The following SFMBT2 variants were observed in gnomAD, a reference collection of about 807,000 sequenced individuals.
SFMBT2 encodes scm-like with four MBT domains protein 2.
A neutral mutation model predicts 110.1 loss-of-function variants in SFMBT2; 38 were observed. The ratio of observed to expected loss-of-function variants is 0.35; its 90% CI spans 0.27 to 0.45. SFMBT2 has a LOEUF of 0.45. Ranked by LOEUF, SFMBT2 falls within the 20% of genes least tolerant of loss-of-function variation. SFMBT2 has a pLI of 1.00. For synonymous variants in SFMBT2, 425 were observed against 425.4 expected (o/e 1.00, Z 0.01); for missense variants, 1,011 against 1,094.9 (o/e 0.92, Z 1.08).
intron 1 of SFMBT2, among the ~76,000 whole-genome samples, chr10:7,404,652 A>G (rs923982363): frequency 2.0e-5 from 3 of 152,256 alleles, no homozygotes; most frequent in African/African-American, 4.8e-5. Context: ...GAAAAACGCA[A>G]TGGATTCTTT....
intron 11 of SFMBT2, 165 bp from the exon 12 acceptor site, chr10:7,206,093 G>C (rs1272737795): frequency 2.0e-6 from 2 of 985,242 alleles, no homozygotes; most frequent in African/African-American, 3.5e-5. Context: ...TGACTTTAGA[G>C]GAGTCTTTAA....
chr10:7,329,097 A>C (rs1843483841), intron 4 of SFMBT2, among the ~76,000 whole-genome samples: 1 of 152,250 alleles, frequency 6.6e-6, no homozygotes, highest in Admixed American at 6.5e-5. Flanking sequence ...TGTAAGCAAC[A>C]GATATACTGG....
In SFMBT2 at chr10:7,167,546, CT is replaced by C. The variant is rs541208668; in HGVS notation, c.2544+3381del. Among the ~76,000 whole-genome samples the C allele has an allele frequency of 1.4e-4, 21 of 152,328 alleles. No individual in the cohort carries two copies. In the East Asian group the frequency reaches 3.5e-3, roughly 25 times the overall value. ...ATTCGCATGCCAGTGAAGAAAGTCT[CT>C]GGGTTCCTTCTAGCTCACCTGTAAT... On this transcript the variant is annotated intron_variant, in intron 20 of 20. Transcript: ENST00000397167.
chr10:7,310,974 G>C (rs1842837648), intron 4 of SFMBT2, among the ~76,000 whole-genome samples: 1 of 151,084 alleles, frequency 6.6e-6, no homozygotes. Flanking sequence ...TTGAACCCGG[G>C]AGGCAGAGGT....
At chr10:7,286,725 A>G (rs1842102447) in intron 4 of SFMBT2, among the ~76,000 whole-genome samples, 1 of 152,206 alleles carries the variant, frequency 6.6e-6, no homozygotes, top group Non-Finnish European at 1.5e-5. Flanking sequence ...AGACTTGATC[A>G]TCTGCAAATT....
At chr10:7,321,201 CTTTTT>C in intron 4 of SFMBT2, among the ~76,000 whole-genome samples, 1 of 130,466 alleles carries the variant, frequency 7.7e-6, no homozygotes, top group Non-Finnish European at 1.6e-5. Flanking sequence ...TATGAGCATC[CTTTTT>C]TTTTTTTTTT....
In SFMBT2 at chr10:7,172,293, G is replaced by A. The variant is rs537451804; in HGVS notation, c.2152-135C>T. The A allele has an allele frequency of 1.2e-4, 172 of 1,450,534 alleles. 1 individual carries two copies. The South Asian group carries it at 2.4e-3, about 20-fold the overall frequency. The allele number at this position is 1,450,534 out of a possible 1,614,324, so 89.9% of individuals were successfully genotyped here. A position where few individuals can be genotyped will look rare whatever the true frequency, so the allele number is the denominator to read the frequency against. On this transcript the variant is annotated intron_variant, in intron 18 of 20. Transcript: ENST00000397167. The surrounding 1 kb of genome is among the most constrained non-coding windows in gnomAD (Gnocchi z 4.6). ...ATGGAGCCAGTGGTCCCACCCGTGG[G>A]CCCTACGAGGCCCTTCCCAGCCAAA...
chr10:7,205,791 C>G (rs1395486964), intron 12 of SFMBT2, 24 bp downstream of exon 12: 5 of 1,608,878 alleles, frequency 3.1e-6, no homozygotes, highest in South Asian at 2.2e-5. Context: ...GTCATCCACC[C>G]CCCCTCAACT....
rs576039657 is a variant in SFMBT2 at position 7,225,882 on chromosome 10, C to T, written c.1203+1973G>A. ...TTTAGGGTGCTATAAGATGTTTCCA[C>T]GGCCCTCAATGAAAGCAGACAAGCC... is the stretch of plus-strand genomic sequence containing the variant. On this transcript the variant is annotated intron_variant, in intron 10 of 20. Coordinates refer to ENST00000397167, the MANE Select transcript of SFMBT2 (RefSeq NM_001387889.1). 2.4e-4 allele frequency among the ~76,000 whole-genome samples: 36 copies of T among 152,136 alleles called. No homozygotes were observed. The South Asian group carries it at 5.8e-3, about 25-fold the overall frequency.
At chr10:7,310,884 A>G (rs1260429428) in intron 4 of SFMBT2, among the ~76,000 whole-genome samples, 2 of 152,102 alleles carry the variant, frequency 1.3e-5, no homozygotes, top group Non-Finnish European at 2.9e-5. Flanking sequence ...CATCTCTACT[A>G]AAAATACAAA....
At chr10:7,263,067 C>T (rs574192805) in intron 7 of SFMBT2, among the ~76,000 whole-genome samples, 1 of 152,264 alleles carries the variant, frequency 6.6e-6, no homozygotes, top group South Asian at 2.1e-4. Context: ...ACGTACTCTG[C>T]AGAACCATGC....
intron 7 of SFMBT2, among the ~76,000 whole-genome samples, chr10:7,254,519 A>G (rs1448442161): frequency 6.6e-6 from 1 of 152,182 alleles, no homozygotes; most frequent in Admixed American, 6.5e-5. Context: ...CATGTGACTC[A>G]TGATGATAAA....
chr10:7,292,790 G>A (rs1041285816), intron 4 of SFMBT2, among the ~76,000 whole-genome samples: 2 of 152,162 alleles, frequency 1.3e-5, no homozygotes, highest in Non-Finnish European at 2.9e-5. Flanking sequence ...GCTGAGGCGG[G>A]CGGATCACCT....
At chr10:7,315,048 G>GAAAGAAAGAA (rs1842960836) in intron 4 of SFMBT2, among the ~76,000 whole-genome samples, 1 of 112,884 alleles carries the variant, frequency 8.9e-6, no homozygotes, top group Non-Finnish European at 2.0e-5. Context: ...GAGAAAGAAA[G>GAAAGAAAGAA]AAAGAAAGAA....
chr10:7,229,578 G>C, intron 9 of SFMBT2, among the ~76,000 whole-genome samples: 1 of 128,760 alleles, frequency 7.8e-6, no homozygotes, highest in South Asian at 2.5e-4. Context: ...CTGGGTGACA[G>C]AGCAAGACTC....
At chr10:7,277,962 C>T (rs1470897996) in intron 6 of SFMBT2, among the ~76,000 whole-genome samples, 5 of 152,112 alleles carry the variant, frequency 3.3e-5, no homozygotes, top group Admixed American at 1.3e-4. Flanking sequence ...AGCTTTAAGC[C>T]CCTGTTTCCG....
chr10:7,164,044 G>T (rs1837625704), intron 20 of SFMBT2, 134 bp from the exon 21 acceptor site: 1 of 1,384,378 alleles, frequency 7.2e-7, no homozygotes, highest in Non-Finnish European at 9.3e-7. Context: ...GGGGATTGTT[G>T]GTAGAGATAC....
intron 1 of SFMBT2, among the ~76,000 whole-genome samples, chr10:7,396,969 G>A (rs975578688): frequency 2.4e-4 from 36 of 151,574 alleles, no homozygotes; most frequent in African/African-American, 7.3e-4. Flanking sequence ...ACGAGTTAAT[G>A]GGTGCAGCAC....
intron 16 of SFMBT2, among the ~76,000 whole-genome samples, chr10:7,185,061 T>C (rs1455658614): frequency 6.6e-6 from 1 of 152,198 alleles, no homozygotes; most frequent in Admixed American, 6.5e-5. Flanking sequence ...TTCTTCCTTC[T>C]TGCCTTTAAG....
Sources: gnomAD v4.1 joint callset for allele counts (sites outside exome capture counted in the v4.1 genomes callset) on GRCh38, gnomAD v4.1.1 for gene constraint, Gnocchi (gnomAD v3.1) non-coding constraint, MANE v1.5 for transcripts, NCBI Gene and HGNC (gene_info 2026-07-23, HGNC 2026-07-21) for gene names.